The following ADGB variants were observed in gnomAD, a reference collection of about 807,000 sequenced individuals.
ADGB encodes the protein androglobin, also known as calpain-7-like protein.
In ADGB, 172 loss-of-function variants were observed where a neutral mutation model predicts 210.5. The ratio of observed to expected loss-of-function variants is 0.82; its 90% CI spans 0.72 to 0.93. The LOEUF (loss-of-function observed/expected upper bound fraction) is 0.93, where lower values mean the gene tolerates loss of function less well. Ranked by LOEUF, ADGB falls within the 40% of genes least tolerant of loss-of-function variation. ADGB has a pLI of 0.00. For missense variants in ADGB, 2,025 were observed against 1,964.8 expected, an observed-to-expected ratio of 1.03 and a Z score of -0.58; for synonymous variants, 658 against 662.7, an observed-to-expected ratio of 0.99 and a Z score of 0.11.
At position 146,752,531 on chromosome 6, in the gene ADGB, T is replaced by C. The variant is rs1264654453; in HGVS notation, c.3367T>C (p.Tyr1123His). The change falls in exon 27 of 36, where the codon TAT becomes CAT. Residue 1123 changes from tyrosine to histidine, a missense_variant and splice_region_variant. Transcript: ENST00000397944. The stretch of plus-strand genomic sequence containing the variant: ...AATGTTAACTTTTTTTCTTTACAGG[T>C]ATTCGGTTAAAGTTCTAACACCACA... Reference protein sequence around the residue: ...IPNDKKILFRYSVKVLTPQPA... With the variant: ...IPNDKKILFRHSVKVLTPQPA... The C allele has an allele frequency of 6.5e-7, 1 of 1,537,410 alleles. No individual in the cohort carries two copies. The highest frequency in any genetic ancestry group is 2.5e-5 in the East Asian group (1 of 40,634).
At chr6:146,698,545 T>C (rs1385773196) in intron 12 of ADGB, among the ~76,000 whole-genome samples, 3 of 152,194 alleles carry the variant, frequency 2.0e-5, no homozygotes, top group Non-Finnish European at 4.4e-5. Flanking sequence ...TTGTCAGTTC[T>C]ATGTATCGAC....
At chr6:146,767,149 T>C (rs1321390808) in intron 28 of ADGB, among the ~76,000 whole-genome samples, 2 of 152,198 alleles carry the variant, frequency 1.3e-5, no homozygotes, top group East Asian at 3.8e-4. Context: ...TGTAAGTGTG[T>C]TCCTATTAAA....
intron 33 of ADGB, among the ~76,000 whole-genome samples, chr6:146,796,347 C>T (rs1393750211): frequency 6.6e-6 from 1 of 151,994 alleles, no homozygotes; most frequent in Non-Finnish European, 1.5e-5. Flanking sequence ...AAAAACAATC[C>T]AAAAATTCAT....
intron 10 of ADGB, among the ~76,000 whole-genome samples, chr6:146,690,464 A>C (rs1166650936): frequency 6.6e-6 from 1 of 152,140 alleles, no homozygotes; most frequent in African/African-American, 2.4e-5. Flanking sequence ...ATACCTTTTT[A>C]TTTCCTTTGG....
At chr6:146,750,137 T>A (rs2114609699) in intron 26 of ADGB, among the ~76,000 whole-genome samples, 1 of 152,304 alleles carries the variant, frequency 6.6e-6, no homozygotes, top group African/African-American at 2.4e-5. Context: ...GAGGCTGGAC[T>A]GCAAAGTGGG....
intron 16 of ADGB, among the ~76,000 whole-genome samples, chr6:146,720,742 A>T (rs779461682): frequency 2.6e-5 from 4 of 152,124 alleles, no homozygotes; most frequent in Non-Finnish European, 4.4e-5. Flanking sequence ...AGAGACAGGA[A>T]AGGGGAAAGT....
At chr6:146,772,266 T>A (rs1424994963) in intron 29 of ADGB, among the ~76,000 whole-genome samples, 4 of 151,784 alleles carry the variant, frequency 2.6e-5, no homozygotes, top group South Asian at 2.1e-4. Flanking sequence ...TGTGAAAAAA[T>A]TTTAAGCTTT....
Position 146,654,124 on chromosome 6 carries a change from A to G in ADGB, c.331-11A>G, listed in dbSNP as rs548242178. 6.8e-7 allele frequency: 1 copy of G among 1,478,416 alleles called. No homozygotes were observed. The highest frequency in any genetic ancestry group is 1.4e-5 in the African/African-American group (1 of 71,434). 91.6% of individuals were successfully genotyped at this position (1,478,416 alleles called of 1,614,324 possible). A position where few individuals can be genotyped will look rare whatever the true frequency, so the allele number is the denominator to read the frequency against. On this transcript the variant is annotated splice_polypyrimidine_tract_variant and intron_variant, in intron 3 of 35. Coordinates refer to ENST00000397944, the MANE Select transcript of ADGB (RefSeq NM_024694.4). ...CTTATGGAGTAATATATACATATATATTTTTTTCAGACTCCAGTAGTTGTG... is the reference window on the plus strand; with the variant it reads ...CTTATGGAGTAATATATACATATATGTTTTTTTCAGACTCCAGTAGTTGTG...
At chr6:146,688,377 T>G (rs1776261126) in intron 10 of ADGB, among the ~76,000 whole-genome samples, 1 of 152,164 alleles carries the variant, frequency 6.6e-6, no homozygotes. Flanking sequence ...GAGAACTGTT[T>G]AAGCTGAGAT....
Position 146,726,826 on chromosome 6 carries a change from C to T in ADGB, c.2352+629C>T, listed in dbSNP as rs373045087. Among the ~76,000 whole-genome samples the T allele has an allele frequency of 3.2e-3, 481 of 152,240 alleles. 2 individuals are homozygous for T. The highest frequency in any genetic ancestry group is 0.011 in the African/African-American group (460 of 41,526). On this transcript the variant is annotated intron_variant, in intron 19 of 35. Coordinates refer to ENST00000397944, the MANE Select transcript of ADGB (RefSeq NM_024694.4). ...TTGGGGTATAAATATCAGTGCAGTC[C>T]TTTTTAATAGAGTTTAAAATTTTGG... is the stretch of plus-strand genomic sequence containing the variant.
intron 35 of ADGB, among the ~76,000 whole-genome samples, chr6:146,804,610 T>C (rs1454349585): frequency 6.6e-6 from 1 of 152,186 alleles, no homozygotes; most frequent in Non-Finnish European, 1.5e-5. Context: ...ACCTCTCGAC[T>C]CTACCTTGAA....
At chr6:146,683,844 C>T (rs1174353006) in intron 9 of ADGB, among the ~76,000 whole-genome samples, 1 of 151,968 alleles carries the variant, frequency 6.6e-6, no homozygotes, top group East Asian at 1.9e-4. Flanking sequence ...GGACAAAGTA[C>T]TTAATGTGAT....
chr6:146,776,317 T>C lies in ADGB; in HGVS notation c.3863-5703T>C, dbSNP rs1184452954. 2.6e-5 allele frequency among the ~76,000 whole-genome samples: 4 copies of C among 152,210 alleles called. No homozygotes were observed. In the East Asian group the frequency reaches 7.7e-4, roughly 29 times the overall value. On this transcript the variant is annotated intron_variant, in intron 29 of 35. Transcript: ENST00000397944. ...CAACTATATGTACTCCCAACACATA[T>C]GTATTTCCTGTAAAGCTTTACATAT...
chr6:146,799,079 A>AC (rs398048916), intron 33 of ADGB, among the ~76,000 whole-genome samples: 2 of 148,974 alleles, frequency 1.3e-5, no homozygotes, highest in Non-Finnish European at 3.0e-5. Context: ...AAAAAAAAAA[A>AC]CAGAAAAGCC....
chr6:146,743,320 C>G (rs1777184708), intron 25 of ADGB, among the ~76,000 whole-genome samples: 1 of 151,912 alleles, frequency 6.6e-6, no homozygotes, highest in African/African-American at 2.4e-5. Flanking sequence ...TGGAAGAGAC[C>G]TTTAAAGAAT....
At chr6:146,651,248 C>A (rs1775695920) in intron 3 of ADGB, among the ~76,000 whole-genome samples, 1 of 152,140 alleles carries the variant, frequency 6.6e-6, no homozygotes, top group South Asian at 2.1e-4. Context: ...ACAAATAATC[C>A]CTGGCACACT....
At chr6:146,737,284 C>A (rs549441222) in intron 23 of ADGB, among the ~76,000 whole-genome samples, 6 of 152,076 alleles carry the variant, frequency 3.9e-5, no homozygotes, top group African/African-American at 1.4e-4. Context: ...ATTTTAATAA[C>A]CAAAATTAGG....
At chr6:146,692,281 C>T (rs10457803) in intron 11 of ADGB, among the ~76,000 whole-genome samples, 30,041 of 151,904 alleles carry the variant, frequency 0.2, 3,546 homozygotes, top group Middle Eastern at 0.35. Flanking sequence ...GTCCTTTATT[C>T]ATTGAGAATT....
intron 5 of ADGB, among the ~76,000 whole-genome samples, chr6:146,663,349 A>G (rs1449606909): frequency 6.6e-6 from 1 of 151,544 alleles, no homozygotes; most frequent in African/African-American, 2.4e-5. Context: ...GTGTGAGATC[A>G]AGGCACTGGT....
Sources: gnomAD v4.1 joint callset for allele counts (sites outside exome capture counted in the v4.1 genomes callset) on GRCh38, gnomAD v4.1.1 for gene constraint, MANE v1.5 for transcripts, NCBI Gene and HGNC (gene_info 2026-07-23, HGNC 2026-07-21) for gene names.